DOCK7: variants seen among roughly 807,000 people sequenced by gnomAD.
DOCK7 encodes dedicator of cytokinesis protein 7.
In DOCK7, 138 loss-of-function variants were observed where a neutral mutation model predicts 271.0. That is an observed-to-expected ratio of 0.51 (90% CI 0.44 to 0.59). DOCK7 has a LOEUF of 0.59. DOCK7 is among the 20% of genes least tolerant of loss of function. The probability of loss-of-function intolerance (pLI) is 0.00; values close to 1 mark genes in which losing one functional copy is unlikely to be tolerated. For synonymous variants in DOCK7, 823 were observed against 876.1 expected (o/e 0.94, Z 1.07); for missense variants, 2,066 against 2,592.4 (o/e 0.80, Z 4.41).
At chr1:62,573,569 T>A (rs1024685113) in intron 18 of DOCK7, among the ~76,000 whole-genome samples, 2 of 152,180 alleles carry the variant, frequency 1.3e-5, no homozygotes, top group Non-Finnish European at 2.9e-5. Context: ...CACTAAATCT[T>A]AGTAAAACAA....
intron 31 of DOCK7, among the ~76,000 whole-genome samples, chr1:62,522,301 C>G (rs1214639593): frequency 6.6e-6 from 1 of 151,914 alleles, no homozygotes; most frequent in Non-Finnish European, 1.5e-5. Flanking sequence ...TATACAAATC[C>G]TAACAAAATA....
intron 22 of DOCK7, among the ~76,000 whole-genome samples, chr1:62,547,632 CG>C (rs1645755078): frequency 6.6e-6 from 1 of 152,076 alleles, no homozygotes. Flanking sequence ...GAGAAAGAAA[CG>C]TATCAGTGCA....
chr1:62,609,564 A>G (rs1434722415), intron 14 of DOCK7: 3 of 152,212 alleles, frequency 2.0e-5, no homozygotes, highest in Non-Finnish European at 4.4e-5. Context: ...TTCTAAACAA[A>G]TGTATATACT....
At chr1:62,584,797 A>C (rs1647298907) in intron 15 of DOCK7, 1 of 747,854 alleles carries the variant, frequency 1.3e-6, no homozygotes, top group Non-Finnish European at 2.4e-6. Context: ...ATAAAGTCCC[A>C]TGAAAGAAGT....
At chr1:62,547,568 G>A (rs1045471622) in intron 22 of DOCK7, among the ~76,000 whole-genome samples, 5 of 152,058 alleles carry the variant, frequency 3.3e-5, no homozygotes, top group Non-Finnish European at 7.4e-5. Flanking sequence ...TCAGCATAGT[G>A]CCTAGCACAC....
chr1:62,543,103 A>G (rs1037806060), intron 24 of DOCK7, among the ~76,000 whole-genome samples: 1 of 152,050 alleles, frequency 6.6e-6, no homozygotes, highest in African/African-American at 2.4e-5. Context: ...ACATTTTAAA[A>G]TTTAAACTTT....
At position 62,477,809 on chromosome 1, in the gene DOCK7, T is replaced by C. The variant is rs1294533503; in HGVS notation, c.5525A>G (p.Tyr1842Cys). The C allele has an allele frequency of 3.7e-6, 6 of 1,608,614 alleles. No individual in the cohort carries two copies. Among genetic ancestry groups the C allele is most frequent in the Non-Finnish European group, 5.1e-6 (6 of 1,178,288 alleles). ...STGWERMFGT[Y>C]FRVGFYGTKF... The stretch of plus-strand genomic sequence containing the variant: ...GGTTCCATAAAAACCAACACGAAAA[T>C]AGGTGCCAAACATCCGCTTACCATC... Residue 1842 changes from tyrosine (Y) to cysteine (C), a missense_variant, in exon 44 of 50, where the codon TAT becomes TGT. By Grantham distance (194) the Tyr-to-Cys change is radical. Transcript: ENST00000635253.
chr1:62,465,349 G>C (rs962357549), intron 48 of DOCK7, among the ~76,000 whole-genome samples: 1 of 152,058 alleles, frequency 6.6e-6, no homozygotes, highest in East Asian at 1.9e-4. Flanking sequence ...TAGTGATGCT[G>C]GAAGTGCTCC....
chr1:62,508,010 A>G lies in DOCK7; in HGVS notation c.4428T>C (p.Ala1476=), dbSNP rs1646991719. The change falls in exon 35 of 50, where the codon GCT becomes GCC. Residue 1476 remains alanine, a synonymous_variant. Transcript: ENST00000635253. ...EHEALIDGNL[A]TEANLIILDT... Reference sequence around the variant, plus strand: ...CTAAAATGATTAGGTTTGCTTCTGTAGCCAGGTTTCCATCAATCAGTGCTT... The same window carrying G: ...CTAAAATGATTAGGTTTGCTTCTGTGGCCAGGTTTCCATCAATCAGTGCTT... The G allele has an allele frequency of 1.9e-6, 3 of 1,613,188 alleles. No homozygotes were observed. The Admixed American group carries it at 5.0e-5, about 27-fold the overall frequency.
intron 7 of DOCK7, among the ~76,000 whole-genome samples, chr1:62,637,835 C>T (rs537386135): frequency 8.5e-5 from 13 of 152,204 alleles, no homozygotes; most frequent in African/African-American, 2.4e-4. Flanking sequence ...ATAGCTATAC[C>T]GAAGGTCCTT....
intron 48 of DOCK7, among the ~76,000 whole-genome samples, chr1:62,473,517 C>T (rs1194515821): frequency 2.0e-5 from 3 of 152,032 alleles, no homozygotes; most frequent in Non-Finnish European, 4.4e-5. Flanking sequence ...TAAGTATATG[C>T]TATTAAAGAG....
At chr1:62,456,644 G>T (rs1294842637) in intron 49 of DOCK7, among the ~76,000 whole-genome samples, 3 of 152,138 alleles carry the variant, frequency 2.0e-5, no homozygotes, top group African/African-American at 7.2e-5. Context: ...CTCGGATGTT[G>T]TAAGGCAAAA....
chr1:62,456,868 A>C (rs1032678427), intron 49 of DOCK7, among the ~76,000 whole-genome samples: 1 of 152,126 alleles, frequency 6.6e-6, no homozygotes, highest in East Asian at 1.9e-4. Context: ...AGTGGAGGGG[A>C]CTAGTATGTT....
rs372987000 is a variant in DOCK7, at chr1:62,529,488, CCA to C, written c.3612-44_3612-43del. ...AGACAAAGAAGAAAAAGCAGTAAGGCCACAGAGATTAGCTAACATCTTTAAAA... is the reference window on the plus strand; with the variant it reads ...AGACAAAGAAGAAAAAGCAGTAAGGCCAGAGATTAGCTAACATCTTTAAAA... On this transcript the variant is annotated intron_variant, in intron 29 of 49. Transcript: ENST00000635253. The C allele has an allele frequency of 1.1e-5, 17 of 1,488,808 alleles. No individual in the cohort carries two copies. In the African/African-American group the frequency reaches 2.4e-4, roughly 21 times the overall value. 92.2% of individuals were successfully genotyped at this position (1,488,808 alleles called of 1,614,324 possible). A position where few individuals can be genotyped will look rare whatever the true frequency, so the allele number is the denominator to read the frequency against.
intron 14 of DOCK7, chr1:62,598,620 T>G (rs899811580): frequency 1.3e-4 from 104 of 797,286 alleles, no homozygotes; most frequent in Non-Finnish European, 1.4e-4. Context: ...AAAATTTAGA[T>G]TATGATAGTG....
At chr1:62,504,992 T>C (rs1646899175) in intron 36 of DOCK7, among the ~76,000 whole-genome samples, 1 of 152,218 alleles carries the variant, frequency 6.6e-6, no homozygotes, top group East Asian at 1.9e-4. Flanking sequence ...TAGTGGGACC[T>C]TGGACAAGTT....
intron 1 of DOCK7, among the ~76,000 whole-genome samples, chr1:62,669,355 T>C (rs1450560416): frequency 6.6e-6 from 1 of 152,200 alleles, no homozygotes; most frequent in African/African-American, 2.4e-5. Flanking sequence ...AACCCATAAG[T>C]ATAAAAGTAT....
rs149086653 is a variant in DOCK7 at position 62,597,794 on chromosome 1, C to G, written c.1683-11170G>C. ...TTAATGACATATTTCAAAAACTCAA[C>G]ATATTTGATCAGTCTTTTTATGATC... is the stretch of plus-strand genomic sequence containing the variant. On this transcript the variant is annotated intron_variant, in intron 14 of 49. Transcript: ENST00000635253. The G allele has an allele frequency of 2.0e-3, 3,173 of 1,613,460 alleles. 8 individuals are homozygous for G. The highest frequency in any genetic ancestry group is 2.0e-3 in the Non-Finnish European group (2,363 of 1,179,644).
intron 48 of DOCK7, among the ~76,000 whole-genome samples, chr1:62,463,836 T>A (rs1334116868): frequency 6.6e-6 from 1 of 152,168 alleles, no homozygotes; most frequent in Non-Finnish European, 1.5e-5. Flanking sequence ...GGAAATGGTA[T>A]CAGATAAATA....
Sources: gnomAD v4.1 joint callset for allele counts (sites outside exome capture counted in the v4.1 genomes callset) on GRCh38, gnomAD v4.1.1 for gene constraint, MANE v1.5 for transcripts, NCBI Gene and HGNC (gene_info 2026-07-23, HGNC 2026-07-21) for gene names.